SYT6: variants seen among roughly 807,000 people sequenced by gnomAD.
SYT6 encodes synaptotagmin 6.
In SYT6, 24 loss-of-function variants were observed where a neutral mutation model predicts 38.4. The ratio of observed to expected loss-of-function variants is 0.62; its 90% CI spans 0.45 to 0.88. The LOEUF (loss-of-function observed/expected upper bound fraction) is 0.88, where lower values mean the gene tolerates loss of function less well. Among genes scored for constraint, SYT6 ranks in the 40% least tolerant of loss-of-function variants. SYT6 has a pLI of 0.00. For synonymous variants in SYT6, 265 were observed against 241.9 expected (o/e 1.10, Z -0.89); for missense variants, 611 against 621.0 (o/e 0.98, Z 0.17).
intron 3 of SYT6, among the ~76,000 whole-genome samples, chr1:114,126,901 T>C (rs569944675): frequency 3.0e-4 from 45 of 152,312 alleles, no homozygotes; most frequent in African/African-American, 1.1e-3. Context: ...GCAATGGGGC[T>C]GTCTGGAGGC....
intron 3 of SYT6, among the ~76,000 whole-genome samples, chr1:114,114,366 T>G (rs747661144): frequency 7.9e-5 from 12 of 152,220 alleles, no homozygotes; most frequent in Non-Finnish European, 1.6e-4. Context: ...GTATAACAGA[T>G]GCTGACAAGT....
intron 1 of SYT6, among the ~76,000 whole-genome samples, chr1:114,144,567 T>C (rs996399625): frequency 6.6e-6 from 1 of 152,214 alleles, no homozygotes; most frequent in African/African-American, 2.4e-5. Flanking sequence ...GGGCCTCACA[T>C]AGAAACTGGC....
chr1:114,135,503 A>G (rs1273479934), intron 3 of SYT6, among the ~76,000 whole-genome samples: 2 of 135,164 alleles, frequency 1.5e-5, no homozygotes, highest in Non-Finnish European at 3.3e-5. Flanking sequence ...GGCTATAATG[A>G]TACTAGTTGA....
At chr1:114,136,436 G>C (rs1678488457) in intron 3 of SYT6, among the ~76,000 whole-genome samples, 1 of 152,208 alleles carries the variant, frequency 6.6e-6, no homozygotes, top group South Asian at 2.1e-4. Context: ...TGCCCCCACT[G>C]AGCTCTCAGC....
chr1:114,151,924 G>T lies in SYT6; in HGVS notation c.163+1686C>A, dbSNP rs529808855. On this transcript the variant is annotated intron_variant, in intron 1 of 7. Transcript: ENST00000610222. The stretch of plus-strand genomic sequence containing the variant: ...TCCATCTCTGTACCACCCTCTAAAA[G>T]TTCTTTATGTCTAACCTCAGTCCCT... Among the ~76,000 whole-genome samples the T allele has an allele frequency of 8.5e-5, 13 of 152,250 alleles. No individual in the cohort carries two copies. The South Asian group carries it at 2.5e-3, about 29-fold the overall frequency.
At chr1:114,101,494 G>T (rs908545400) in intron 4 of SYT6, among the ~76,000 whole-genome samples, 2 of 152,268 alleles carry the variant, frequency 1.3e-5, no homozygotes, top group Admixed American at 6.5e-5. Flanking sequence ...TAGCATACTG[G>T]TCCTTATTAT....
chr1:114,093,680 G>A, intron 7 of SYT6, 55 bp downstream of exon 7: 1 of 1,530,384 alleles, frequency 6.5e-7, no homozygotes, highest in South Asian at 1.2e-5. Context: ...AGGGGAAGAA[G>A]GAGACAAAAG....
chr1:114,125,043 T>C lies in SYT6; in HGVS notation c.1071+12452A>G, dbSNP rs368173963. ...CAGTTGGAATTCTGCACATAAATTG[T>C]CATCTGAGGCCTGTTTTTGCACCCA... is the stretch of plus-strand genomic sequence containing the variant. On this transcript the variant is annotated intron_variant, in intron 3 of 7. Coordinates refer to ENST00000610222, the MANE Select transcript of SYT6 (RefSeq NM_001253772.2). Among the ~76,000 whole-genome samples, 5 of 152,330 alleles carry C rather than the reference T, an allele frequency of 3.3e-5. No individual in the cohort carries two copies. In the East Asian group the frequency reaches 5.8e-4, roughly 18 times the overall value.
intron 1 of SYT6, among the ~76,000 whole-genome samples, chr1:114,142,188 C>T (rs942064798): frequency 1.3e-5 from 2 of 152,172 alleles, no homozygotes; most frequent in Non-Finnish European, 2.9e-5. Flanking sequence ...TGAAAACTGT[C>T]TGAATAGGAT....
At chr1:114,095,327 A>G (rs1273014660) in intron 6 of SYT6, among the ~76,000 whole-genome samples, 1 of 152,172 alleles carries the variant, frequency 6.6e-6, no homozygotes, top group African/African-American at 2.4e-5. Context: ...AGAAACAGGG[A>G]CTTGGAATCA....
At chr1:114,139,303 C>T (rs1431840623) in intron 2 of SYT6, among the ~76,000 whole-genome samples, 2 of 152,062 alleles carry the variant, frequency 1.3e-5, no homozygotes, top group Non-Finnish European at 2.9e-5. Context: ...CTTCCTTCTG[C>T]CTGAAGTCTT....
chr1:114,124,516 G>A (rs540429103), intron 3 of SYT6, among the ~76,000 whole-genome samples: 1 of 152,272 alleles, frequency 6.6e-6, no homozygotes, highest in South Asian at 2.1e-4. Context: ...GTGCCCACCA[G>A]CAGTCTGCTG....
intron 1 of SYT6, among the ~76,000 whole-genome samples, chr1:114,150,278 G>A (rs1679378055): frequency 6.6e-6 from 1 of 152,108 alleles, no homozygotes; most frequent in African/African-American, 2.4e-5. Flanking sequence ...AAAGTCAGAG[G>A]GAGAAGAAAA....
intron 3 of SYT6, among the ~76,000 whole-genome samples, chr1:114,107,707 ACT>A (rs1174002900): frequency 6.6e-6 from 1 of 151,832 alleles, no homozygotes; most frequent in Non-Finnish European, 1.5e-5. Flanking sequence ...CCTGGTAGTC[ACT>A]CTCTCTCTCT....
intron 3 of SYT6, among the ~76,000 whole-genome samples, chr1:114,110,362 G>A (rs933767078): frequency 2.0e-5 from 3 of 152,210 alleles, no homozygotes; most frequent in Admixed American, 1.3e-4. Context: ...CAAGGGCAGC[G>A]AGGGAGCCAG....
chr1:114,100,338 A>C (rs1195046628), intron 4 of SYT6, among the ~76,000 whole-genome samples: 1 of 152,184 alleles, frequency 6.6e-6, no homozygotes, highest in Non-Finnish European at 1.5e-5. Flanking sequence ...GGTGCCAGCC[A>C]AGCAGCTGCT....
At chr1:114,140,803 A>G (rs992928646) in intron 1 of SYT6, among the ~76,000 whole-genome samples, 1 of 152,248 alleles carries the variant, frequency 6.6e-6, no homozygotes, top group Admixed American at 6.5e-5. Flanking sequence ...GTTTTCCAAC[A>G]GCATGTGCAC....
intron 3 of SYT6, among the ~76,000 whole-genome samples, chr1:114,120,117 A>C (rs1159664327): frequency 2.6e-5 from 4 of 152,106 alleles, no homozygotes; most frequent in African/African-American, 9.7e-5. Flanking sequence ...TGTATTTGTC[A>C]AAACAAATTT....
rs761476522 is a variant in SYT6, at chr1:114,139,820, A to AG, written c.306dup (p.Glu104GlyfsTer41). On this transcript the variant is annotated frameshift_variant, in exon 2 of 8. Coordinates refer to ENST00000610222, the MANE Select transcript of SYT6 (RefSeq NM_001253772.2). LOFTEE classifies it high-confidence loss of function. The stretch of plus-strand genomic sequence containing the variant: ...AAGCTGGGGCTCTGGAGGGCTTCCA[A>AG]GGGGGGATTAGCAGAAGAGGGACTG... 2.7e-5 allele frequency: 44 copies of AG among 1,603,114 alleles called. No homozygotes were observed. In the East Asian group the frequency reaches 4.9e-4, roughly 18 times the overall value.
Sources: gnomAD v4.1 joint callset for allele counts (sites outside exome capture counted in the v4.1 genomes callset) on GRCh38, gnomAD v4.1.1 for gene constraint, MANE v1.5 for transcripts, NCBI Gene and HGNC (gene_info 2026-07-23, HGNC 2026-07-21) for gene names.